GRIK4: variants seen among roughly 807,000 people sequenced by gnomAD.
GRIK4 encodes glutamate receptor ionotropic, kainate 4.
GRIK4 carries 40 observed loss-of-function variants against 104.9 expected under a neutral mutation model. The ratio of observed to expected loss-of-function variants is 0.38; its 90% CI spans 0.30 to 0.50. The LOEUF (loss-of-function observed/expected upper bound fraction) is 0.50. GRIK4 is among the 20% of genes least tolerant of loss of function. The probability of loss-of-function intolerance (pLI) is 0.93; values close to 1 mark genes in which losing one functional copy is unlikely to be tolerated. For synonymous variants in GRIK4, 485 were observed against 524.9 expected (o/e 0.92, Z 1.04); for missense variants, 1,047 against 1,308.1 (o/e 0.80, Z 3.08).
rs1401511754 is a variant in GRIK4 at position 120,802,806 on chromosome 11, G to A, written c.196G>A (p.Val66Met). The A allele has an allele frequency of 1.9e-6, 3 of 1,614,236 alleles. No homozygotes were observed. Among genetic ancestry groups the A allele is most frequent in the Non-Finnish European group, 8.5e-7 (1 of 1,180,040 alleles). ...PERLGKAKVE[V>M]DIFELLRDSE... ...GAGGCTGGGCAAGGCCAAGGTCGAA[G>A]TGGACATCTTTGAGCTTCTCAGAGA... is the stretch of plus-strand genomic sequence containing the variant. Residue 66 changes from valine to methionine, a missense_variant, in exon 4 of 21, where the codon GTG (valine) becomes ATG (methionine). By Grantham distance (21) the Val-to-Met change is conservative. Transcript: ENST00000527524.
At position 120,897,601 on chromosome 11, in the gene GRIK4, CAAAAAAAAAAA is replaced by C. The variant is rs56807699; in HGVS notation, c.1165-915_1165-905del. ...TGGGTGACAGAACAAGACTCCTTCT[CAAAAAAAAAAA>C]AAAAAAAAAAAAAAAGAGTACATCT... On this transcript the variant is annotated intron_variant, in intron 11 of 20. Transcript: ENST00000527524. 3.1e-3 allele frequency among the ~76,000 whole-genome samples: 40 copies of C among 13,058 alleles called. 2 individuals carry two copies. The highest frequency in any genetic ancestry group is 0.017 in the Admixed American group (11 of 644). The allele number at this position is 13,058 out of a possible 152,430, so 8.6% of individuals were successfully genotyped here. A position where few individuals can be genotyped will look rare whatever the true frequency, so the allele number is the denominator to read the frequency against.
intron 3 of GRIK4, among the ~76,000 whole-genome samples, chr11:120,672,424 A>G (rs1159785776): frequency 6.6e-6 from 1 of 152,226 alleles, no homozygotes; most frequent in Admixed American, 6.5e-5. Flanking sequence ...CTTAAAAAAA[A>G]AATAGAAAAA....
Position 120,718,804 on chromosome 11 carries a change from G to T in GRIK4, c.82+58404G>T, listed in dbSNP as rs371325986. The stretch of plus-strand genomic sequence containing the variant: ...TTGGTCCTGCCTTGACTTAGCCTGG[G>T]TTCATACCTCAGGGATGCTTGGACC... On this transcript the variant is annotated intron_variant, in intron 3 of 20. Transcript: ENST00000527524. 2.0e-5 allele frequency among the ~76,000 whole-genome samples: 3 copies of T among 152,314 alleles called. No individual in the cohort carries two copies. In the South Asian group the frequency reaches 6.2e-4, roughly 32 times the overall value.
chr11:120,663,770 C>T (rs1392284572), intron 3 of GRIK4, among the ~76,000 whole-genome samples: 5 of 152,180 alleles, frequency 3.3e-5, no homozygotes, highest in Non-Finnish European at 2.9e-5. Context: ...ATCTTCTCTG[C>T]CTGCAAAACA....
intron 3 of GRIK4, among the ~76,000 whole-genome samples, chr11:120,786,959 A>G (rs1952291949): frequency 6.6e-6 from 1 of 152,214 alleles, no homozygotes; most frequent in Non-Finnish European, 1.5e-5. Context: ...CTGGATTTTG[A>G]AGTTCTGGTA....
intron 6 of GRIK4, among the ~76,000 whole-genome samples, chr11:120,828,035 G>T (rs1361129057): frequency 6.6e-6 from 1 of 152,102 alleles, no homozygotes; most frequent in African/African-American, 2.4e-5. Context: ...CTCTGGCCAG[G>T]CACCCAAGTC....
chr11:120,837,104 A>G (rs913257864), intron 8 of GRIK4, among the ~76,000 whole-genome samples: 1 of 152,192 alleles, frequency 6.6e-6, no homozygotes. Context: ...CTGTAGTGTG[A>G]TGGACGAGCC....
At chr11:120,773,739 C>A (rs1951988973) in intron 3 of GRIK4, among the ~76,000 whole-genome samples, 1 of 152,190 alleles carries the variant, frequency 6.6e-6, no homozygotes, top group Non-Finnish European at 1.5e-5. Flanking sequence ...AGGGGATAAA[C>A]TGGGCTCTGA....
In GRIK4 at chr11:120,809,629, A is replaced by G. The variant is rs528048830; in HGVS notation, c.248-5749A>G. ...TTCTTTTTGCCAGGGCTGAATAGAC[A>G]TGACCCCTGATCTCAAGGCCATTTA... On this transcript the variant is annotated intron_variant, in intron 4 of 20. Coordinates refer to ENST00000527524, the MANE Select transcript of GRIK4 (RefSeq NM_014619.5). 2.8e-4 allele frequency among the ~76,000 whole-genome samples: 42 copies of G among 152,380 alleles called. 1 individual carries two copies. The highest frequency in any genetic ancestry group is 9.9e-4 in the African/African-American group (41 of 41,590).
intron 9 of GRIK4, chr11:120,872,927 T>C (rs1565406948): frequency 6.6e-6 from 1 of 152,496 alleles, no homozygotes; most frequent in Non-Finnish European, 1.5e-5. Flanking sequence ...GCAAACATTG[T>C]ATCCACTTAT....
At chr11:120,873,983 T>G in intron 9 of GRIK4, 83 bp from the exon 10 acceptor site, 5 of 1,213,844 alleles carry the variant, frequency 4.1e-6, no homozygotes, top group Non-Finnish European at 5.8e-6. Context: ...TCTTCCTCCA[T>G]TCCTCTTATT....
intron 4 of GRIK4, among the ~76,000 whole-genome samples, chr11:120,810,126 C>A (rs913022338): frequency 1.3e-5 from 2 of 152,172 alleles, no homozygotes; most frequent in African/African-American, 4.8e-5. Flanking sequence ...AAAGTTGAAT[C>A]TCCAGTAACC....
intron 8 of GRIK4, among the ~76,000 whole-genome samples, chr11:120,849,709 G>A (rs1756874046): frequency 6.6e-6 from 1 of 152,230 alleles, no homozygotes; most frequent in African/African-American, 2.4e-5. Context: ...GCAGATGTGA[G>A]AATCTGCTTT....
At chr11:120,862,231 C>G (rs1954284320) in intron 9 of GRIK4, 111 bp downstream of exon 9, 1 of 902,098 alleles carries the variant, frequency 1.1e-6, no homozygotes, top group African/African-American at 1.7e-5. Flanking sequence ...TCTCCTGCTC[C>G]AGTCCCAGCT....
At chr11:120,581,639 A>G (rs533337135) in intron 1 of GRIK4, among the ~76,000 whole-genome samples, 3 of 152,172 alleles carry the variant, frequency 2.0e-5, no homozygotes, top group Admixed American at 6.5e-5. Flanking sequence ...TAGATACCTC[A>G]TGTAAGTGGA....
chr11:120,749,873 G>T (rs1201063460), intron 3 of GRIK4, among the ~76,000 whole-genome samples: 1 of 152,190 alleles, frequency 6.6e-6, no homozygotes, highest in East Asian at 1.9e-4. Flanking sequence ...TTTGCTGACA[G>T]ATTAGAAAGA....
chr11:120,591,757 C>G (rs1948736514), intron 1 of GRIK4, among the ~76,000 whole-genome samples: 1 of 152,156 alleles, frequency 6.6e-6, no homozygotes. Context: ...ATTTTGGGTA[C>G]AAGTGAAGTG....
intron 3 of GRIK4, among the ~76,000 whole-genome samples, chr11:120,788,102 C>G (rs749009969): frequency 2.6e-4 from 40 of 151,666 alleles, no homozygotes; most frequent in Non-Finnish European, 5.0e-4. Context: ...ATCTCCTGAC[C>G]TCATGATCTG....
intron 9 of GRIK4, chr11:120,872,771 TG>T: frequency 5.2e-6 from 1 of 190,518 alleles, no homozygotes. Context: ...TTTGTTTGTT[TG>T]TTTTTTGCCA....
Sources: allele counts gnomAD v4.1 joint callset (sites outside exome capture counted in the v4.1 genomes callset), GRCh38; gene constraint gnomAD v4.1.1; transcripts MANE v1.5; gene names NCBI Gene and HGNC (gene_info 2026-07-23, HGNC 2026-07-21).